Variants in CRACD observed in about 807,000 individuals in gnomAD.
CRACD encodes capping protein inhibiting regulator of actin dynamics.
In CRACD, 56 loss-of-function variants were observed where a neutral mutation model predicts 106.8. That is an observed-to-expected ratio of 0.52 (90% CI 0.42 to 0.66). The LOEUF is 0.66. Among genes scored for constraint, CRACD ranks in the 30% least tolerant of loss-of-function variants. CRACD has a pLI of 0.00. For synonymous variants in CRACD, 754 were observed against 670.8 expected, an observed-to-expected ratio of 1.12 and a Z score of -1.92; for missense variants, 1,730 against 1,623.2, an observed-to-expected ratio of 1.07 and a Z score of -1.13.
At chr4:56,152,431 T>A (rs1042634002) in intron 1 of CRACD, among the ~76,000 whole-genome samples, 2 of 151,684 alleles carry the variant, frequency 1.3e-5, no homozygotes, top group African/African-American at 4.8e-5. Flanking sequence ...GCCAGGAGAT[T>A]GAGACCAGCC....
chr4:56,192,118 G>A (rs1009987518), intron 2 of CRACD, among the ~76,000 whole-genome samples: 6 of 152,108 alleles, frequency 3.9e-5, no homozygotes, highest in African/African-American at 4.8e-5. Context: ...CTGGCCAGGC[G>A]CATTGGCTCA....
At chr4:56,287,599 T>C (rs1342514452) in intron 3 of CRACD, among the ~76,000 whole-genome samples, 1 of 152,054 alleles carries the variant, frequency 6.6e-6, no homozygotes, top group Non-Finnish European at 1.5e-5. Context: ...TAATTTTTTA[T>C]TATTTTTTGT....
chr4:56,201,548 G>T (rs1388047172), intron 2 of CRACD, among the ~76,000 whole-genome samples: 1 of 152,128 alleles, frequency 6.6e-6, no homozygotes, highest in African/African-American at 2.4e-5. Flanking sequence ...AACAACAAGA[G>T]AAAGACAGTC....
chr4:56,263,545 T>G (rs1050081996), intron 2 of CRACD, among the ~76,000 whole-genome samples: 4 of 152,158 alleles, frequency 2.6e-5, no homozygotes, highest in Admixed American at 2.6e-4. Context: ...CTTCCCTCAG[T>G]GTATGTCTGT....
chr4:56,326,049 G>T (rs1746423533), intron 10 of CRACD, among the ~76,000 whole-genome samples: 1 of 152,088 alleles, frequency 6.6e-6, no homozygotes, highest in Admixed American at 6.5e-5. Flanking sequence ...GTAGCTGGGA[G>T]TACAGGCACA....
At chr4:56,133,926 G>A (rs1231831846) in intron 1 of CRACD, among the ~76,000 whole-genome samples, 1 of 152,168 alleles carries the variant, frequency 6.6e-6, no homozygotes, top group Non-Finnish European at 1.5e-5. Context: ...GCTTGGCGGG[G>A]CGGGGTGGCT....
At chr4:56,195,879 T>C (rs1457863744) in intron 2 of CRACD, among the ~76,000 whole-genome samples, 2 of 152,228 alleles carry the variant, frequency 1.3e-5, no homozygotes, top group Non-Finnish European at 2.9e-5. Flanking sequence ...GAGATCATTT[T>C]GAAATAGAAT....
At chr4:56,302,299 G>A (rs1469743880) in intron 4 of CRACD, among the ~76,000 whole-genome samples, 1 of 152,214 alleles carries the variant, frequency 6.6e-6, no homozygotes, top group Non-Finnish European at 1.5e-5. Flanking sequence ...CATGGATCAG[G>A]GAGGGTGCCT....
At chr4:56,228,280 CTT>C (rs908442578) in intron 2 of CRACD, among the ~76,000 whole-genome samples, 1 of 152,044 alleles carries the variant, frequency 6.6e-6, no homozygotes, top group Non-Finnish European at 1.5e-5. Flanking sequence ...TTATAACACT[CTT>C]TATGAGAAAA....
intron 3 of CRACD, among the ~76,000 whole-genome samples, chr4:56,294,312 T>C (rs1232535942): frequency 6.6e-6 from 1 of 151,540 alleles, no homozygotes; most frequent in African/African-American, 2.4e-5. Context: ...TATATAAAAA[T>C]AAGTTACATT....
chr4:56,264,567 G>A (rs1247766695), intron 2 of CRACD, among the ~76,000 whole-genome samples: 1 of 152,158 alleles, frequency 6.6e-6, no homozygotes, highest in African/African-American at 2.4e-5. Context: ...ATCTGTTCAG[G>A]GATCTGAACA....
At chr4:56,300,082 G>T (rs1744279385) in intron 4 of CRACD, among the ~76,000 whole-genome samples, 1 of 152,104 alleles carries the variant, frequency 6.6e-6, no homozygotes, top group African/African-American at 2.4e-5. Context: ...AGGTTGCAGT[G>T]AGCCAGGATT....
intron 2 of CRACD, among the ~76,000 whole-genome samples, chr4:56,185,036 A>G (rs2109444154): frequency 6.6e-6 from 1 of 152,256 alleles, no homozygotes; most frequent in East Asian, 1.9e-4. Flanking sequence ...AGCTCACTGG[A>G]AGCTCCGCCT....
intron 5 of CRACD, chr4:56,308,884 G>T (rs1744937979): frequency 1.6e-6 from 2 of 1,288,888 alleles, no homozygotes; most frequent in African/African-American, 3.0e-5. Context: ...GAGCTCATAA[G>T]TGCTGGGCAC....
chr4:56,225,755 G>A (rs964154161), intron 2 of CRACD, among the ~76,000 whole-genome samples: 2 of 152,164 alleles, frequency 1.3e-5, no homozygotes, highest in Admixed American at 6.5e-5. Context: ...TTAGTGAAGC[G>A]GGATTATCAT....
At chr4:56,239,888 C>T (rs767786762) in intron 2 of CRACD, among the ~76,000 whole-genome samples, 2 of 151,980 alleles carry the variant, frequency 1.3e-5, no homozygotes, top group Non-Finnish European at 2.9e-5. Flanking sequence ...AATATGCACA[C>T]TTTAGACAGT....
intron 1 of CRACD, among the ~76,000 whole-genome samples, chr4:56,062,297 T>C (rs1015163424): frequency 2.6e-5 from 4 of 152,220 alleles, no homozygotes; most frequent in South Asian, 2.1e-4. Flanking sequence ...CTTATAATCA[T>C]AACAGTGTCA....
At chr4:56,078,463 G>A (rs1276876279) in intron 1 of CRACD, among the ~76,000 whole-genome samples, 3 of 152,188 alleles carry the variant, frequency 2.0e-5, no homozygotes, top group Non-Finnish European at 4.4e-5. Flanking sequence ...CTAGAGTGCA[G>A]TGGTGTGATC....
chr4:56,172,306 T>C (rs951763938), intron 1 of CRACD, among the ~76,000 whole-genome samples: 1 of 152,184 alleles, frequency 6.6e-6, no homozygotes, highest in African/African-American at 2.4e-5. Context: ...TAATTCTGCA[T>C]GGAGGGAAAC....
Sources: allele counts gnomAD v4.1 joint callset (sites outside exome capture counted in the v4.1 genomes callset), GRCh38; gene constraint gnomAD v4.1.1; transcripts MANE v1.5; gene names NCBI Gene and HGNC (gene_info 2026-07-23, HGNC 2026-07-21).